CADM2: variants seen among roughly 807,000 people sequenced by gnomAD.
CADM2 encodes cell adhesion molecule 2.
In CADM2, 12 loss-of-function variants were observed where a neutral mutation model predicts 49.8. That is an observed-to-expected ratio of 0.24 (90% CI 0.15 to 0.39). The LOEUF (loss-of-function observed/expected upper bound fraction) is 0.39, where lower values mean the gene tolerates loss of function less well. Ranked by LOEUF, CADM2 falls within the 10% of genes least tolerant of loss-of-function variation. The pLI is 1.00. For synonymous variants in CADM2, 214 were observed against 175.4 expected (o/e 1.22, Z -1.74); for missense variants, 378 against 492.3 (o/e 0.77, Z 2.20).
chr3:85,454,092 C>T (rs9840803), intron 1 of CADM2, among the ~76,000 whole-genome samples: 23 of 152,218 alleles, frequency 1.5e-4, no homozygotes, highest in African/African-American at 3.9e-4. Flanking sequence ...TGGAGGCTCA[C>T]GCCCGTAATC....
intron 2 of CADM2, among the ~76,000 whole-genome samples, chr3:85,728,490 C>G (rs953621914): frequency 6.6e-6 from 1 of 151,804 alleles, no homozygotes; most frequent in African/African-American, 2.4e-5. Flanking sequence ...AAGAATTACT[C>G]AGTGATTTTT....
At chr3:85,143,521 A>G (rs2039641164) in intron 1 of CADM2, among the ~76,000 whole-genome samples, 1 of 152,320 alleles carries the variant, frequency 6.6e-6, no homozygotes, top group South Asian at 2.1e-4. Flanking sequence ...TATATATTTG[A>G]GACAGATTTT....
intron 1 of CADM2, among the ~76,000 whole-genome samples, chr3:85,454,115 G>T (rs1444170706): frequency 6.6e-6 from 1 of 152,114 alleles, no homozygotes; most frequent in Non-Finnish European, 1.5e-5. Context: ...AGCATTTTGG[G>T]AGGCCGAGAC....
chr3:85,089,915 T>C (rs1180605229), intron 1 of CADM2, among the ~76,000 whole-genome samples: 1 of 152,198 alleles, frequency 6.6e-6, no homozygotes, highest in Non-Finnish European at 1.5e-5. Flanking sequence ...TCCTACCACA[T>C]TTCTATTGGC....
At chr3:85,165,253 ATC>A in intron 1 of CADM2, among the ~76,000 whole-genome samples, 1 of 152,090 alleles carries the variant, frequency 6.6e-6, no homozygotes, top group South Asian at 2.1e-4. Context: ...AATATTCTCC[ATC>A]TCTCTGTGAG....
At chr3:85,617,906 T>G (rs1350061963) in intron 1 of CADM2, among the ~76,000 whole-genome samples, 2 of 152,148 alleles carry the variant, frequency 1.3e-5, no homozygotes, top group African/African-American at 4.8e-5. Flanking sequence ...ACGTTACATA[T>G]TATAATGAAA....
intron 1 of CADM2, among the ~76,000 whole-genome samples, chr3:85,516,240 CA>C (rs2060900232): frequency 1.3e-5 from 2 of 152,086 alleles, no homozygotes; most frequent in Non-Finnish European, 2.9e-5. Flanking sequence ...TCCTTTTACT[CA>C]GAATAGTGTT....
At chr3:85,880,386 T>A (rs1252914448) in intron 3 of CADM2, among the ~76,000 whole-genome samples, 1 of 152,152 alleles carries the variant, frequency 6.6e-6, no homozygotes, top group African/African-American at 2.4e-5. Flanking sequence ...TATTTTCTCT[T>A]ATTTTGTTAT....
intron 1 of CADM2, among the ~76,000 whole-genome samples, chr3:85,285,816 T>G (rs2043620606): frequency 6.6e-6 from 1 of 151,498 alleles, no homozygotes; most frequent in Non-Finnish European, 1.5e-5. Flanking sequence ...AATATTAAAG[T>G]ATTAAATATT....
At chr3:85,260,648 A>T (rs993244695) in intron 1 of CADM2, among the ~76,000 whole-genome samples, 5 of 152,172 alleles carry the variant, frequency 3.3e-5, no homozygotes, top group African/African-American at 1.2e-4. Context: ...AGACACTGCT[A>T]TGGGCTGCAC....
At chr3:85,422,175 AAC>A (rs10542190) in intron 1 of CADM2, among the ~76,000 whole-genome samples, 85,773 of 151,980 alleles carry the variant, frequency 0.56, 25,222 homozygotes, top group East Asian at 0.83. Context: ...GGATTTTAAT[AAC>A]AGTCGTTAAT....
chr3:85,469,297 A>C (rs2038660581), intron 1 of CADM2, among the ~76,000 whole-genome samples: 1 of 152,172 alleles, frequency 6.6e-6, no homozygotes, highest in African/African-American at 2.4e-5. Flanking sequence ...TTAAAATCAA[A>C]TGTCACACAT....
intron 3 of CADM2, among the ~76,000 whole-genome samples, chr3:85,878,534 A>T (rs1712256316): frequency 6.6e-6 from 1 of 152,084 alleles, no homozygotes; most frequent in Admixed American, 6.6e-5. Flanking sequence ...AATAATTTTA[A>T]AATGTCATTG....
intron 8 of CADM2, among the ~76,000 whole-genome samples, chr3:85,976,933 A>G (rs1315730522): frequency 6.6e-6 from 1 of 151,532 alleles, no homozygotes; most frequent in Non-Finnish European, 1.5e-5. Flanking sequence ...TTGAATATTA[A>G]CCTATGGAAA....
At chr3:85,619,390 G>T (rs916537218) in intron 1 of CADM2, among the ~76,000 whole-genome samples, 2 of 151,598 alleles carry the variant, frequency 1.3e-5, no homozygotes, top group Non-Finnish European at 2.9e-5. Context: ...AATGAAAGGG[G>T]GAAAGAAGGA....
chr3:85,014,849 G>A (rs182340725), intron 1 of CADM2, among the ~76,000 whole-genome samples: 3 of 152,242 alleles, frequency 2.0e-5, no homozygotes, highest in Admixed American at 2.0e-4. Context: ...AAACAACTCT[G>A]GTACAAGGGA....
chr3:85,732,994 G>T (rs1559620484), intron 2 of CADM2, among the ~76,000 whole-genome samples: 1 of 152,152 alleles, frequency 6.6e-6, no homozygotes, highest in Non-Finnish European at 1.5e-5. Context: ...ATGGGAGTAG[G>T]GTTGGGAGTA....
intron 1 of CADM2, among the ~76,000 whole-genome samples, chr3:85,368,316 GAC>G (rs1020557093): frequency 6.6e-6 from 1 of 151,996 alleles, no homozygotes; most frequent in Non-Finnish European, 1.5e-5. Context: ...AGCAAAAAAT[GAC>G]AGTGTTGAAA....
intron 1 of CADM2, among the ~76,000 whole-genome samples, chr3:85,450,730 A>G (rs2037714082): frequency 6.6e-6 from 1 of 152,054 alleles, no homozygotes; most frequent in Non-Finnish European, 1.5e-5. Context: ...TTTTATAAAC[A>G]AATTACCTTT....
Sources: gnomAD v4.1 joint callset for allele counts (sites outside exome capture counted in the v4.1 genomes callset) on GRCh38, gnomAD v4.1.1 for gene constraint, MANE v1.5 for transcripts, NCBI Gene and HGNC (gene_info 2026-07-23, HGNC 2026-07-21) for gene names.